The following LRRIQ1 variants were observed in gnomAD, a reference collection of about 807,000 sequenced individuals.
LRRIQ1 encodes leucine-rich repeat- and IQ domain-containing protein 1.
In LRRIQ1, 210 loss-of-function variants were observed where a neutral mutation model predicts 211.9. The ratio of observed to expected loss-of-function variants is 0.99; its 90% CI spans 0.89 to 1.11. LRRIQ1 has a LOEUF of 1.11. LRRIQ1 is among the 50% of genes most tolerant of loss of function. The pLI is 0.00. For synonymous variants in LRRIQ1, 699 were observed against 650.1 expected, an observed-to-expected ratio of 1.08 and a Z score of -1.14; for missense variants, 2,136 against 1,939.5, an observed-to-expected ratio of 1.10 and a Z score of -1.90.
intron 19 of LRRIQ1, among the ~76,000 whole-genome samples, chr12:85,149,455 G>T (rs970800962): frequency 6.6e-6 from 1 of 151,832 alleles, no homozygotes; most frequent in Non-Finnish European, 1.5e-5. Flanking sequence ...AAAATCAGAT[G>T]GTTGTAGATG....
chr12:85,057,844 C>G (rs1233351808), intron 8 of LRRIQ1, among the ~76,000 whole-genome samples: 2 of 151,926 alleles, frequency 1.3e-5, no homozygotes, highest in African/African-American at 2.4e-5. Context: ...CAGTGTAACA[C>G]TAGAAAGCAC....
chr12:85,070,428 G>C (rs775836889), intron 10 of LRRIQ1, among the ~76,000 whole-genome samples: 7 of 151,924 alleles, frequency 4.6e-5, no homozygotes, highest in Non-Finnish European at 8.8e-5. Flanking sequence ...CTTTAAGCTG[G>C]AATTCTTTAA....
At chr12:85,072,235 A>ATT (rs35748486) in intron 10 of LRRIQ1, among the ~76,000 whole-genome samples, 111 of 151,390 alleles carry the variant, frequency 7.3e-4, no homozygotes, top group Admixed American at 1.5e-3. Flanking sequence ...TAGAAAGGTC[A>ATT]TTTTTTTTGG....
chr12:85,117,780 C>T (rs1317174788), intron 15 of LRRIQ1, among the ~76,000 whole-genome samples: 2 of 152,172 alleles, frequency 1.3e-5, no homozygotes, highest in African/African-American at 4.8e-5. Context: ...ACTGCCAGTA[C>T]ACTTTATTGT....
intron 18 of LRRIQ1, 23 bp downstream of exon 18, chr12:85,128,056 CA>C: frequency 2.0e-6 from 3 of 1,498,970 alleles, no homozygotes; most frequent in Middle Eastern, 1.9e-4. Context: ...CTTTTGGTAA[CA>C]TAGTTACAAA....
chr12:85,056,528 C>T lies in LRRIQ1; in HGVS notation c.1735C>T (p.Gln579Ter). The T allele has an allele frequency of 6.2e-7, 1 of 1,610,892 alleles. No homozygotes were observed. Among genetic ancestry groups the T allele is most frequent in the African/African-American group, 1.3e-5 (1 of 74,810 alleles). Residue 579 changes from glutamine to a stop codon, truncating the protein, a stop_gained, in exon 8 of 27, where the codon CAG (glutamine) becomes TAG (stop). Coordinates refer to ENST00000393217, the MANE Select transcript of LRRIQ1 (RefSeq NM_001079910.2). LOFTEE classifies it high-confidence loss of function. ...NEEQKIIKDN[Q>*]QKKIQKVEKE... is the part of the protein sequence containing the mutation. ...AGAGCAGAAAATAATCAAAGATAAT[C>T]AGCAGAAAAAGATACAAAAAGTAGA...
intron 24 of LRRIQ1, among the ~76,000 whole-genome samples, chr12:85,192,356 C>T (rs1237097044): frequency 7.1e-6 from 1 of 140,792 alleles, no homozygotes; most frequent in Non-Finnish European, 1.5e-5. Context: ...TTTTATGGCT[C>T]TGTACTCTTC....
intron 17 of LRRIQ1, among the ~76,000 whole-genome samples, chr12:85,126,581 T>C (rs1373759665): frequency 6.6e-6 from 1 of 152,144 alleles, no homozygotes; most frequent in Non-Finnish European, 1.5e-5. Flanking sequence ...GAGGAAATGA[T>C]TTGTTGGAAT....
chr12:85,197,955 A>ATATATTATATATAAATATATATAAT (rs1217408473), intron 24 of LRRIQ1, among the ~76,000 whole-genome samples: 1 of 110,978 alleles, frequency 9.0e-6, no homozygotes, highest in Non-Finnish European at 1.7e-5. Flanking sequence ...ATATATAATT[A>ATATATTATATATAAATATATATAAT]TATATTATAT....
At chr12:85,225,300 A>G (rs1474413265) in intron 24 of LRRIQ1, among the ~76,000 whole-genome samples, 1 of 152,144 alleles carries the variant, frequency 6.6e-6, no homozygotes, top group Non-Finnish European at 1.5e-5. Context: ...TTTGTATTCA[A>G]AGAAGGTCCT....
At chr12:85,067,693 A>G (rs1475176974) in intron 10 of LRRIQ1, among the ~76,000 whole-genome samples, 1 of 151,696 alleles carries the variant, frequency 6.6e-6, no homozygotes, top group Non-Finnish European at 1.5e-5. Context: ...CCTATTTTCT[A>G]TAAATATTCC....
intron 11 of LRRIQ1, among the ~76,000 whole-genome samples, chr12:85,086,587 A>C (rs1468543673): frequency 6.7e-6 from 1 of 150,106 alleles, no homozygotes; most frequent in Admixed American, 6.7e-5. Context: ...TTTCTTTATA[A>C]ATTACCCAGT....
chr12:85,150,003 A>G (rs566317121), intron 19 of LRRIQ1, among the ~76,000 whole-genome samples: 63 of 151,774 alleles, frequency 4.2e-4, no homozygotes, highest in African/African-American at 1.3e-3. Context: ...TGATGTGGCA[A>G]AGAAGTTTAT....
At chr12:85,133,990 C>T (rs757824483) in intron 18 of LRRIQ1, among the ~76,000 whole-genome samples, 14 of 152,132 alleles carry the variant, frequency 9.2e-5, no homozygotes, top group Non-Finnish European at 1.5e-4. Context: ...TCTGTATCAG[C>T]ATCTTCCAAC....
At chr12:85,121,464 A>T (rs1887979023) in intron 15 of LRRIQ1, among the ~76,000 whole-genome samples, 1 of 152,160 alleles carries the variant, frequency 6.6e-6, no homozygotes, top group South Asian at 2.1e-4. Flanking sequence ...TTAGAAGAAA[A>T]AGGTTAAAGA....
rs531742111 is a variant in LRRIQ1 at position 85,136,088 on chromosome 12, A to G, written c.4210-1762A>G. On this transcript the variant is annotated intron_variant, in intron 18 of 26. Transcript: ENST00000393217. ...TGTATATTTGCATCTCTTTTCTTCT[A>G]TAGAAAATCTTGTTTTTTACTGACA... Among the ~76,000 whole-genome samples, 13 of 152,030 alleles carry G rather than the reference A, an allele frequency of 8.6e-5. No individual in the cohort carries two copies. The South Asian group carries it at 2.7e-3, about 32-fold the overall frequency.
At chr12:85,088,932 T>A (rs751482221) in intron 11 of LRRIQ1, among the ~76,000 whole-genome samples, 3 of 152,200 alleles carry the variant, frequency 2.0e-5, no homozygotes, top group Non-Finnish European at 4.4e-5. Context: ...TACCATTTAT[T>A]TCTTTCTTCT....
chr12:85,091,697 C>G (rs570289039), intron 11 of LRRIQ1, among the ~76,000 whole-genome samples: 1 of 152,076 alleles, frequency 6.6e-6, no homozygotes, highest in Admixed American at 6.6e-5. Context: ...AGTAAAGGTC[C>G]GGTTTTATTC....
intron 26 of LRRIQ1, among the ~76,000 whole-genome samples, chr12:85,236,583 A>C (rs552344382): frequency 7.2e-5 from 11 of 152,002 alleles, no homozygotes; most frequent in South Asian, 2.1e-4. Flanking sequence ...GGATGTCACC[A>C]ATGTGAAAAT....
Sources: gnomAD v4.1 joint callset for allele counts (sites outside exome capture counted in the v4.1 genomes callset) on GRCh38, gnomAD v4.1.1 for gene constraint, MANE v1.5 for transcripts, NCBI Gene and HGNC (gene_info 2026-07-23, HGNC 2026-07-21) for gene names.